Variants in DPP10 observed in about 807,000 individuals in gnomAD.
DPP10 encodes dipeptidyl peptidase like 10, also known as inactive dipeptidyl peptidase 10.
A neutral mutation model predicts 120.9 loss-of-function variants in DPP10; 33 were observed. That is an observed-to-expected ratio of 0.27 (90% CI 0.21 to 0.37). The LOEUF is 0.37. DPP10 is among the 10% of genes least tolerant of loss of function. DPP10 has a pLI of 1.00. For missense variants in DPP10, 816 were observed against 942.8 expected, an observed-to-expected ratio of 0.87 and a Z score of 1.76; for synonymous variants, 337 against 326.1, an observed-to-expected ratio of 1.03 and a Z score of -0.36.
At chr2:114,790,650 T>C (rs1322431143) in intron 1 of DPP10, among the ~76,000 whole-genome samples, 2 of 151,954 alleles carry the variant, frequency 1.3e-5, no homozygotes, top group African/African-American at 4.8e-5. Flanking sequence ...AGGGGGTTTG[T>C]TCTCTGGCGG....
intron 19 of DPP10, among the ~76,000 whole-genome samples, chr2:115,808,198 A>G (rs188759216): frequency 6.6e-6 from 1 of 152,260 alleles, no homozygotes; most frequent in Non-Finnish European, 1.5e-5. Flanking sequence ...CCGTGTAACT[A>G]TAATTCAAGC....
At position 114,698,643 on chromosome 2, in the gene DPP10, G is replaced by T. The variant is rs115674315; in HGVS notation, c.60+255805G>T. On this transcript the variant is annotated intron_variant, in intron 1 of 25. Coordinates refer to ENST00000410059, the MANE Select transcript of DPP10 (RefSeq NM_020868.6). Reference sequence around the variant, plus strand: ...AGGGTTGATTAAATCTAAGTCAGGAGAACAAGGCTCAATCAGTCAAGGGAT... The same window carrying T: ...AGGGTTGATTAAATCTAAGTCAGGATAACAAGGCTCAATCAGTCAAGGGAT... Among the ~76,000 whole-genome samples, 8 of 152,178 alleles carry T rather than the reference G, an allele frequency of 5.3e-5. 1 individual carries two copies. Among genetic ancestry groups the T allele is most frequent in the African/African-American group, 1.9e-4 (8 of 41,550 alleles).
chr2:114,986,231 T>C (rs115956855), intron 1 of DPP10, among the ~76,000 whole-genome samples: 12 of 152,356 alleles, frequency 7.9e-5, no homozygotes, highest in Non-Finnish European at 1.6e-4. Flanking sequence ...ATTTAGAGAC[T>C]AGTAAACCTA....
At chr2:115,282,464 T>G (rs191834951) in intron 1 of DPP10, among the ~76,000 whole-genome samples, 1 of 152,142 alleles carries the variant, frequency 6.6e-6, no homozygotes, top group African/African-American at 2.4e-5. Context: ...ATCAAATCTT[T>G]TATCCCCCTT....
chr2:115,251,721 A>C (rs1305214813), intron 1 of DPP10, among the ~76,000 whole-genome samples: 1 of 152,196 alleles, frequency 6.6e-6, no homozygotes, highest in Admixed American at 6.5e-5. Flanking sequence ...GATTTATTGA[A>C]TCTGAACCCC....
At chr2:115,713,051 A>T (rs147062035) in intron 7 of DPP10, among the ~76,000 whole-genome samples, 22 of 152,256 alleles carry the variant, frequency 1.4e-4, no homozygotes, top group African/African-American at 5.1e-4. Context: ...TACAATGAGG[A>T]GCCAAAAAGT....
intron 1 of DPP10, among the ~76,000 whole-genome samples, chr2:114,728,247 G>A (rs1487196764): frequency 6.6e-6 from 1 of 152,136 alleles, no homozygotes; most frequent in African/African-American, 2.4e-5. Flanking sequence ...GAGCCAGGAG[G>A]AGAAGATGCA....
chr2:115,117,990 T>C (rs188814001), intron 1 of DPP10, among the ~76,000 whole-genome samples: 12 of 152,340 alleles, frequency 7.9e-5, no homozygotes, highest in Non-Finnish European at 5.9e-5. Context: ...CCACTCACTG[T>C]AGCTTTTCGG....
At chr2:115,477,462 G>T (rs1180964731) in intron 3 of DPP10, among the ~76,000 whole-genome samples, 1 of 152,022 alleles carries the variant, frequency 6.6e-6, no homozygotes, top group South Asian at 2.1e-4. Flanking sequence ...AGAGATAAAA[G>T]TCTTGCATAC....
intron 1 of DPP10, among the ~76,000 whole-genome samples, chr2:114,808,261 A>G (rs913485604): frequency 6.6e-6 from 1 of 152,170 alleles, no homozygotes; most frequent in African/African-American, 2.4e-5. Flanking sequence ...TAATTTAATT[A>G]TTCATTCTGT....
intron 21 of DPP10, among the ~76,000 whole-genome samples, chr2:115,824,181 A>G (rs1688079886): frequency 6.6e-6 from 1 of 152,172 alleles, no homozygotes; most frequent in South Asian, 2.1e-4. Flanking sequence ...AATTTAAAAA[A>G]ATGCTCAATG....
At chr2:114,579,297 G>T (rs574044539) in intron 1 of DPP10, among the ~76,000 whole-genome samples, 1 of 152,132 alleles carries the variant, frequency 6.6e-6, no homozygotes, top group African/African-American at 2.4e-5. Flanking sequence ...ACTGCTCAGC[G>T]CCCACAGCTC....
chr2:115,351,127 C>G (rs2064004362), intron 3 of DPP10, among the ~76,000 whole-genome samples: 1 of 151,984 alleles, frequency 6.6e-6, no homozygotes, highest in African/African-American at 2.4e-5. Context: ...ACCTAGGTGC[C>G]CCAAAATGTA....
intron 1 of DPP10, among the ~76,000 whole-genome samples, chr2:114,507,041 T>A (rs1416653791): frequency 7.3e-6 from 1 of 136,092 alleles, no homozygotes; most frequent in East Asian, 1.9e-4. Flanking sequence ...CTTTTTTTTC[T>A]TTTTTTTTCT....
At chr2:114,689,913 CT>C (rs1263864460) in intron 1 of DPP10, among the ~76,000 whole-genome samples, 1 of 151,650 alleles carries the variant, frequency 6.6e-6, no homozygotes, top group Non-Finnish European at 1.5e-5. Context: ...CCTTTGCCCA[CT>C]TTTTTTAATG....
At chr2:114,931,163 T>G (rs1245711585) in intron 1 of DPP10, among the ~76,000 whole-genome samples, 2 of 152,206 alleles carry the variant, frequency 1.3e-5, no homozygotes, top group Non-Finnish European at 2.9e-5. Flanking sequence ...TTAGGTATCT[T>G]TATAGCAACA....
At chr2:115,047,195 T>G in intron 1 of DPP10, among the ~76,000 whole-genome samples, 1 of 152,220 alleles carries the variant, frequency 6.6e-6, no homozygotes, top group South Asian at 2.1e-4. Context: ...AGAAATACGC[T>G]GAATAAATAG....
intron 5 of DPP10, among the ~76,000 whole-genome samples, chr2:115,622,829 C>CTTTTTTTT (rs765780452): frequency 0.024 from 3,065 of 126,176 alleles, no homozygotes; most frequent in Non-Finnish European, 0.037. Flanking sequence ...TTCGTTTATT[C>CTTTTTTTT]TTTTTTTTTT....
chr2:115,026,205 G>A (rs10185427), intron 1 of DPP10, among the ~76,000 whole-genome samples: 3,444 of 152,150 alleles, frequency 0.023, 130 homozygotes, highest in African/African-American at 0.08. Flanking sequence ...GATTTTTTAT[G>A]TGGTGAGAGA....
Sources: allele counts gnomAD v4.1 joint callset (sites outside exome capture counted in the v4.1 genomes callset), GRCh38; gene constraint gnomAD v4.1.1; transcripts MANE v1.5; gene names NCBI Gene and HGNC (gene_info 2026-07-23, HGNC 2026-07-21).